Variants in XPOT observed in about 807,000 individuals in gnomAD.
The protein encoded by XPOT is exportin for tRNA, also known as exportin-T.
Under a neutral mutation model 128.2 loss-of-function variants are expected in XPOT, and 34 were observed. The ratio of observed to expected loss-of-function variants is 0.27; its 90% confidence interval spans 0.20 to 0.35. XPOT has a LOEUF of 0.35. Among genes scored for constraint, XPOT ranks in the 10% least tolerant of loss-of-function variants. The pLI, the probability that XPOT is intolerant of heterozygous loss-of-function variation, is 1.00. For synonymous variants in XPOT, 348 were observed against 394.3 expected (o/e 0.88, Z 1.39); for missense variants, 838 against 1,125.3 (o/e 0.74, Z 3.65).
At chr12:64,426,640 C>T (rs778754929) in intron 15 of XPOT, among the ~76,000 whole-genome samples, 3 of 152,108 alleles carry the variant, frequency 2.0e-5, no homozygotes, top group Non-Finnish European at 2.9e-5. Context: ...CCTCAGCATC[C>T]CGTGATATAC....
Position 64,425,805 on chromosome 12 carries a change from CCTT to C in XPOT, c.1573-6_1573-4del, listed in dbSNP as rs1298939000. 15 of 1,612,490 alleles carry C rather than the reference CCTT, an allele frequency of 9.3e-6. No individual in the cohort carries two copies. The highest frequency in any genetic ancestry group is 6.6e-5 in the South Asian group (6 of 91,016). On this transcript the variant is annotated splice_polypyrimidine_tract_variant and splice_region_variant and intron_variant, in intron 14 of 24. Transcript: ENST00000332707. ...AAATGCAGAAATAGTAAAAGTGTCT[CCTT>C]CTTTAGATGGCTTTCTTAGATCACA...
intron 9 of XPOT, among the ~76,000 whole-genome samples, chr12:64,422,370 T>A (rs1179854735): frequency 6.6e-6 from 1 of 152,226 alleles, no homozygotes; most frequent in Admixed American, 6.5e-5. Flanking sequence ...TTTTATGCAG[T>A]GTGGAAAGGT....
At position 64,423,813 on chromosome 12, in the gene XPOT, T is replaced by C. The variant is rs555059795; in HGVS notation, c.1182+569T>C. On this transcript the variant is annotated intron_variant, in intron 11 of 24. Transcript: ENST00000332707. Reference sequence around the variant, plus strand: ...TGAACATAGTAAAATATTGATAATATTATTGGTGATCATATTTCACTTTAT... The same window carrying C: ...TGAACATAGTAAAATATTGATAATACTATTGGTGATCATATTTCACTTTAT... Among the ~76,000 whole-genome samples the C allele has an allele frequency of 1.5e-3, 232 of 152,158 alleles. 2 individuals carry two copies. Among genetic ancestry groups the C allele is most frequent in the Non-Finnish European group, 2.3e-3 (155 of 68,026 alleles).
chr12:64,426,840 C>T (rs746674548), intron 15 of XPOT, among the ~76,000 whole-genome samples: 3 of 151,908 alleles, frequency 2.0e-5, no homozygotes, highest in Non-Finnish European at 4.4e-5. Flanking sequence ...GAAAATTAGC[C>T]GGGCATGGTG....
chr12:64,436,448 T>G (rs577571192), intron 22 of XPOT, among the ~76,000 whole-genome samples: 4 of 145,924 alleles, frequency 2.7e-5, no homozygotes, highest in South Asian at 2.2e-4. Context: ...TTTGTAGAGA[T>G]GGGATTTCAC....
intron 3 of XPOT, 104 bp downstream of exon 3, chr12:64,415,093 G>T: frequency 1.1e-5 from 8 of 722,930 alleles, no homozygotes; most frequent in Admixed American, 5.3e-5. Flanking sequence ...AACATTTTAT[G>T]ACTTTTTTTT....
chr12:64,427,656 G>A (rs1392216705), intron 15 of XPOT, among the ~76,000 whole-genome samples: 1 of 151,810 alleles, frequency 6.6e-6, no homozygotes, highest in African/African-American at 2.4e-5. Context: ...GACGATGGCC[G>A]GCTAATTTTT....
intron 8 of XPOT, 42 bp from the exon 9 acceptor site, chr12:64,421,193 G>A (rs2040135375): frequency 1.4e-6 from 2 of 1,427,840 alleles, no homozygotes; most frequent in Admixed American, 1.7e-5. Flanking sequence ...TCTTAGCTTG[G>A]GCAGGCAGTT....
chr12:64,447,135 AAAC>A (rs778082651), intron 24 of XPOT, among the ~76,000 whole-genome samples: 1 of 152,140 alleles, frequency 6.6e-6, no homozygotes, highest in East Asian at 1.9e-4. Flanking sequence ...ACTATCAGGA[AAAC>A]AACATGGGAA....
rs755382590 is a variant in XPOT, at chr12:64,421,434, T to C, written c.1043T>C (p.Ile348Thr). 9.3e-6 allele frequency: 15 copies of C among 1,613,686 alleles called. No homozygotes were observed. The highest frequency in any genetic ancestry group is 1.3e-5 in the Non-Finnish European group (15 of 1,179,726). The change falls in exon 9 of 25, where the codon ATT becomes ACT. Residue 348 changes from isoleucine to threonine, a missense_variant. Coordinates refer to ENST00000332707, the MANE Select transcript of XPOT (RefSeq NM_007235.6). ...HEDDDISSNI[I>T]GFCYDYLHIL... ...GATGATGATATTTCTTCTAATATTA[T>C]TGGATTTTGTTACGATTATCTTCAT...
chr12:64,435,941 T>G (rs1162020710), intron 22 of XPOT, among the ~76,000 whole-genome samples: 1 of 151,990 alleles, frequency 6.6e-6, no homozygotes, highest in Non-Finnish European at 1.5e-5. Flanking sequence ...CTACCAGATT[T>G]TTTATTTTAT....
chr12:64,447,318 G>C (rs2040374083), intron 24 of XPOT, among the ~76,000 whole-genome samples: 1 of 152,170 alleles, frequency 6.6e-6, no homozygotes. Context: ...GCCATGGATG[G>C]CAGCATGTAG....
rs560441585 is a variant in XPOT at position 64,427,559 on chromosome 12, G to A, written c.1668-492G>A. Among the ~76,000 whole-genome samples the A allele has an allele frequency of 3.3e-5, 5 of 152,156 alleles. No individual in the cohort carries two copies. In the South Asian group the frequency reaches 1.0e-3, roughly 32 times the overall value. ...CGCCTAGGCTGGAGTATAGTGGCTG[G>A]ATCCCAGTTCACTGCAACCTCAACC... On this transcript the variant is annotated intron_variant, in intron 15 of 24. Coordinates refer to ENST00000332707, the MANE Select transcript of XPOT (RefSeq NM_007235.6).
chr12:64,438,027 C>T (rs547437546), intron 22 of XPOT, among the ~76,000 whole-genome samples: 1 of 151,924 alleles, frequency 6.6e-6, no homozygotes, highest in East Asian at 1.9e-4. Context: ...GAGGTAGGAG[C>T]ATTATGAAAG....
rs1287099733 is a variant in XPOT, at chr12:64,449,818, ATAG to A, written c.*1693_*1695del. The A allele has an allele frequency of 6.6e-6, 1 of 152,244 alleles. No homozygotes were observed. Among genetic ancestry groups the A allele is most frequent in the East Asian group, 1.9e-4 (1 of 5,206 alleles). 9.4% of individuals were successfully genotyped at this position (152,244 alleles called of 1,614,324 possible). Reference sequence around the variant, plus strand: ...AGGAGTGATAATTGCAGCTATTGCAATAGTAGTAATTGTTAAATGGATACTAAT... The same window carrying A: ...AGGAGTGATAATTGCAGCTATTGCAATAGTAATTGTTAAATGGATACTAAT... On this transcript the variant is annotated 3_prime_UTR_variant, in exon 25 of 25. Transcript: ENST00000332707.
chr12:64,411,307 C>G (rs1229605078), intron 2 of XPOT, among the ~76,000 whole-genome samples: 3 of 152,118 alleles, frequency 2.0e-5, no homozygotes, highest in Non-Finnish European at 4.4e-5. Context: ...GTATTGCATG[C>G]TTGTAATTAA....
At chr12:64,414,056 T>C (rs1269377338) in intron 2 of XPOT, among the ~76,000 whole-genome samples, 1 of 152,254 alleles carries the variant, frequency 6.6e-6, no homozygotes, top group East Asian at 1.9e-4. Flanking sequence ...TGCAATTTTC[T>C]TGTCTATTGG....
At position 64,445,099 on chromosome 12, in the gene XPOT, C is replaced by G. The variant is rs1389676920; in HGVS notation, c.2830C>G (p.Pro944Ala). The change falls in exon 24 of 25, where the codon CCT becomes GCT. Residue 944 changes from proline to alanine, a missense_variant. Pro to Ala is a conservative substitution (Grantham distance 27). Coordinates refer to ENST00000332707, the MANE Select transcript of XPOT (RefSeq NM_007235.6). ...IQEFCQALQQ[P>A]DAKVFKNYLK... ...GGAGTTTTGTCAAGCGCTTCAGCAG[C>G]CTGATGCTAAAGTTTTTAAAAATTA... 6.2e-7 allele frequency: 1 copy of G among 1,609,910 alleles called. No individual in the cohort carries two copies. The highest frequency in any genetic ancestry group is 8.5e-7 in the Non-Finnish European group (1 of 1,178,202).
intron 23 of XPOT, 66 bp from the exon 24 acceptor site, chr12:64,445,009 A>G: frequency 3.0e-6 from 4 of 1,354,980 alleles, no homozygotes; most frequent in Non-Finnish European, 4.1e-6. Flanking sequence ...AAAACTGGAT[A>G]CGAATTACAA....
Sources: allele counts gnomAD v4.1 joint callset (sites outside exome capture counted in the v4.1 genomes callset), GRCh38; gene constraint gnomAD v4.1.1; transcripts MANE v1.5; gene names NCBI Gene and HGNC (gene_info 2026-07-23, HGNC 2026-07-21).